Variants in PLCG2 observed in about 807,000 individuals in gnomAD.
PLCG2 encodes the protein 1-phosphatidylinositol 4,5-bisphosphate phosphodiesterase gamma-2.
PLCG2 carries 69 observed loss-of-function variants against 175.6 expected under a neutral mutation model. That is an observed-to-expected ratio of 0.39 (90% CI 0.32 to 0.48). PLCG2 has a LOEUF of 0.48. Among genes scored for constraint, PLCG2 ranks in the 20% least tolerant of loss-of-function variants. The pLI, the probability that PLCG2 is intolerant of heterozygous loss-of-function variation, is 0.91. For missense variants in PLCG2, 1,798 were observed against 1,650.9 expected (o/e 1.09, Z -1.54); for synonymous variants, 827 against 624.0 (o/e 1.33, Z -4.85).
chr16:81,784,507 C>A (rs894597027), intron 1 of PLCG2, among the ~76,000 whole-genome samples: 4 of 152,196 alleles, frequency 2.6e-5, no homozygotes, highest in Non-Finnish European at 5.9e-5. Flanking sequence ...CTCACTCCTC[C>A]TTCTTTGGAT....
At chr16:81,775,977 C>T (rs1029830709), upstream of PLCG2, among the ~76,000 whole-genome samples, 8 of 151,896 alleles carry the variant, frequency 5.3e-5, no homozygotes, top group African/African-American at 9.7e-5. Context: ...AATCCAGCCC[C>T]CACCACCCAC....
At chr16:81,883,798 C>T (rs550740934) in intron 9 of PLCG2, among the ~76,000 whole-genome samples, 3 of 152,346 alleles carry the variant, frequency 2.0e-5, no homozygotes, top group South Asian at 4.1e-4. Flanking sequence ...TTTCCTTAAA[C>T]AGGTGATGCC....
rs550165234 is a variant in PLCG2 at position 81,811,776 on chromosome 16, G to A, written c.193+25594G>A. On this transcript the variant is annotated intron_variant, in intron 2 of 32. Transcript: ENST00000564138. ...TCTTTATCCAGTCTATCATCGATGG[G>A]CATTTGGATTGGTTCCATGTCTTTG... Among the ~76,000 whole-genome samples the A allele has an allele frequency of 4.6e-5, 7 of 152,220 alleles. No homozygotes were observed. The South Asian group carries it at 1.5e-3, about 32-fold the overall frequency.
intron 2 of PLCG2, among the ~76,000 whole-genome samples, chr16:81,848,993 A>C (rs1227372374): frequency 1.3e-5 from 2 of 152,188 alleles, no homozygotes; most frequent in Admixed American, 6.5e-5. Flanking sequence ...GGTGCCAACA[A>C]CACCACTAAT....
chr16:81,871,492 C>CAA, intron 7 of PLCG2, among the ~76,000 whole-genome samples: 1 of 152,092 alleles, frequency 6.6e-6, no homozygotes. Flanking sequence ...ACGTGCGCCA[C>CAA]CACGCCCAGC....
At chr16:81,743,435 C>T (rs1468002809) in intron 1 of PLCG2, among the ~76,000 whole-genome samples, 5 of 152,236 alleles carry the variant, frequency 3.3e-5, no homozygotes, top group African/African-American at 1.2e-4. Context: ...CACTGGTCAC[C>T]CAGGCAAAGA....
chr16:81,843,394 T>C (rs1905939199), intron 2 of PLCG2, among the ~76,000 whole-genome samples: 2 of 152,158 alleles, frequency 1.3e-5, no homozygotes, highest in African/African-American at 4.8e-5. Context: ...TCCAGTACAT[T>C]CCTGAAAACA....
chr16:81,759,983 G>A (rs574782744), intron 2 of PLCG2, among the ~76,000 whole-genome samples: 2 of 152,274 alleles, frequency 1.3e-5, no homozygotes, highest in Non-Finnish European at 2.9e-5. Flanking sequence ...AAAATTAGCC[G>A]GGAGTGGTGG....
chr16:81,757,598 C>T (rs2143079534), intron 2 of PLCG2, among the ~76,000 whole-genome samples: 1 of 152,126 alleles, frequency 6.6e-6, no homozygotes, highest in South Asian at 2.1e-4. Context: ...AGAAAAAAAG[C>T]TGTTGTTTCA....
intron 2 of PLCG2, among the ~76,000 whole-genome samples, chr16:81,770,983 G>T (rs898385906): frequency 1.3e-5 from 2 of 151,680 alleles, no homozygotes; most frequent in Non-Finnish European, 2.9e-5. Flanking sequence ...GTGTGAACCC[G>T]GGAGGTGGAG....
At chr16:81,756,330 G>A (rs1909927160) in intron 2 of PLCG2, among the ~76,000 whole-genome samples, 1 of 152,216 alleles carries the variant, frequency 6.6e-6, no homozygotes, top group East Asian at 1.9e-4. Context: ...TTCACTGAGT[G>A]CATAGTATAT....
chr16:81,912,847 A>C lies in PLCG2; in HGVS notation c.2054+131A>C, dbSNP rs563399430. On this transcript the variant is annotated intron_variant, in intron 19 of 32. Coordinates refer to ENST00000564138, the MANE Select transcript of PLCG2 (RefSeq NM_002661.5). The stretch of plus-strand genomic sequence containing the variant: ...CCCCCCCAGCATCAGCGACAACAAC[A>C]ACCACCACAGCAAAAGCCGCTGCGA... The C allele has an allele frequency of 4.3e-4, 495 of 1,153,170 alleles. 1 individual carries two copies. The highest frequency in any genetic ancestry group is 1.1e-3 in the Middle Eastern group (5 of 4,506). 71.4% of individuals were successfully genotyped at this position (1,153,170 alleles called of 1,614,324 possible). A position where few individuals can be genotyped will look rare whatever the true frequency, so the allele number is the denominator to read the frequency against.
chr16:81,879,134 A>C (rs1907957161), intron 7 of PLCG2, among the ~76,000 whole-genome samples: 1 of 152,106 alleles, frequency 6.6e-6, no homozygotes, highest in South Asian at 2.1e-4. Flanking sequence ...TAAAGGAAGG[A>C]GAGGGCTGAA....
chr16:81,880,110 G>A (rs140943185), intron 7 of PLCG2, among the ~76,000 whole-genome samples: 195 of 152,266 alleles, frequency 1.3e-3, no homozygotes, highest in African/African-American at 4.3e-3. Flanking sequence ...GCATGGTGGC[G>A]CATGCCTGTA....
intron 2 of PLCG2, among the ~76,000 whole-genome samples, chr16:81,837,028 G>C (rs544949260): frequency 3.3e-5 from 5 of 152,270 alleles, no homozygotes; most frequent in African/African-American, 1.2e-4. Flanking sequence ...TTCTCCATGG[G>C]AAGACTCAAC....
chr16:81,908,423 C>T lies in PLCG2; in HGVS notation c.1565C>T (p.Pro522Leu), dbSNP rs72824905. 5.6e-6 allele frequency: 9 copies of T among 1,613,476 alleles called. No homozygotes were observed. Among genetic ancestry groups the T allele is most frequent in the Non-Finnish European group, 6.8e-6 (8 of 1,179,730 alleles). The part of the protein sequence containing the change: ...TMEEEVPQDI[P>L]PTELHFGEKW... ...CCTCTCTTTGCGGCCCAGGATATAC[C>T]CCCTACAGAACTACATTTTGGGGAG... Residue 522 changes from proline to leucine, a missense_variant, in exon 17 of 33, where the codon CCC becomes CTC. Coordinates refer to ENST00000564138, the MANE Select transcript of PLCG2 (RefSeq NM_002661.5).
At chr16:81,794,762 A>G (rs974549507) in intron 2 of PLCG2, among the ~76,000 whole-genome samples, 28 of 152,340 alleles carry the variant, frequency 1.8e-4, no homozygotes, top group African/African-American at 6.5e-4. Flanking sequence ...CATCATTATC[A>G]TCATCCAGCA....
intron 2 of PLCG2, among the ~76,000 whole-genome samples, chr16:81,853,599 G>A (rs972149108): frequency 1.3e-5 from 2 of 152,202 alleles, no homozygotes; most frequent in Non-Finnish European, 2.9e-5. Flanking sequence ...GCGCCCCTAT[G>A]AGAATCTGAT....
At chr16:81,810,758 C>T (rs1288062889) in intron 2 of PLCG2, among the ~76,000 whole-genome samples, 1 of 151,872 alleles carries the variant, frequency 6.6e-6, no homozygotes, top group Non-Finnish European at 1.5e-5. Context: ...ATCTATGGAT[C>T]ATTTGCTCAG....
Sources: gnomAD v4.1 joint callset for allele counts (sites outside exome capture counted in the v4.1 genomes callset) on GRCh38, gnomAD v4.1.1 for gene constraint, MANE v1.5 for transcripts, NCBI Gene and HGNC (gene_info 2026-07-23, HGNC 2026-07-21) for gene names.